Variants in EYA4 observed in about 807,000 individuals in gnomAD.
EYA4 encodes protein phosphatase EYA4.
In EYA4, 31 loss-of-function variants were observed where a neutral mutation model predicts 87.9. That is an observed-to-expected ratio of 0.35 (90% confidence interval 0.27 to 0.48). The LOEUF (loss-of-function observed/expected upper bound fraction) is 0.48, where lower values mean the gene tolerates loss of function less well. EYA4 is among the 20% of genes least tolerant of loss of function. The probability of loss-of-function intolerance (pLI) is 0.99; values close to 1 mark genes in which losing one functional copy is unlikely to be tolerated. For synonymous variants in EYA4, 263 were observed against 270.6 expected, an observed-to-expected ratio of 0.97 and a Z score of 0.28; for missense variants, 678 against 761.4, an observed-to-expected ratio of 0.89 and a Z score of 1.29.
chr6:133,265,064 C>T (rs1776106520), intron 1 of EYA4, among the ~76,000 whole-genome samples: 1 of 152,060 alleles, frequency 6.6e-6, no homozygotes, highest in South Asian at 2.1e-4. Flanking sequence ...TGAGAATTGT[C>T]TTAAAACTTT....
intron 3 of EYA4, among the ~76,000 whole-genome samples, chr6:133,443,657 G>T (rs1274014169): frequency 2.6e-5 from 4 of 151,946 alleles, no homozygotes; most frequent in African/African-American, 9.7e-5. Context: ...ACCATTTAAA[G>T]GTATAAACTT....
At chr6:133,336,125 G>A (rs1470660394) in intron 2 of EYA4, among the ~76,000 whole-genome samples, 1 of 152,118 alleles carries the variant, frequency 6.6e-6, no homozygotes, top group Non-Finnish European at 1.5e-5. Context: ...CACCATTTTT[G>A]CAGTTCCCAA....
intron 6 of EYA4, among the ~76,000 whole-genome samples, chr6:133,456,885 T>C (rs545250158): frequency 6.6e-6 from 1 of 152,364 alleles, no homozygotes; most frequent in African/African-American, 2.4e-5. Context: ...GACTTTCTTA[T>C]TATGGATAAG....
chr6:133,242,702 G>T (rs1196329964), intron 1 of EYA4, among the ~76,000 whole-genome samples: 1 of 152,200 alleles, frequency 6.6e-6, no homozygotes, highest in Non-Finnish European at 1.5e-5. Flanking sequence ...ATTCTGAACA[G>T]CTCGGAGCGA....
intron 3 of EYA4, among the ~76,000 whole-genome samples, chr6:133,399,375 C>T (rs998290543): frequency 4.0e-5 from 6 of 151,866 alleles, no homozygotes; most frequent in Admixed American, 6.6e-5. Flanking sequence ...GAAACTGATA[C>T]ACAGTATTAT....
chr6:133,359,980 T>C (rs980950061), intron 2 of EYA4, among the ~76,000 whole-genome samples: 1 of 152,202 alleles, frequency 6.6e-6, no homozygotes. Flanking sequence ...AAGAACGCTA[T>C]GTACATCTGG....
chr6:133,428,349 A>G (rs933514832), intron 3 of EYA4, among the ~76,000 whole-genome samples: 1 of 152,200 alleles, frequency 6.6e-6, no homozygotes, highest in African/African-American at 2.4e-5. Flanking sequence ...GGCTGCAGAT[A>G]AGGACAGCAG....
chr6:133,389,863 C>G (rs893153852), intron 3 of EYA4, among the ~76,000 whole-genome samples: 18 of 152,150 alleles, frequency 1.2e-4, no homozygotes, highest in African/African-American at 4.3e-4. Flanking sequence ...TTTTGAATCT[C>G]TTTATCCTGC....
At chr6:133,407,372 G>A (rs1788802091) in intron 3 of EYA4, among the ~76,000 whole-genome samples, 1 of 151,722 alleles carries the variant, frequency 6.6e-6, no homozygotes, top group South Asian at 2.1e-4. Flanking sequence ...TGAATGGGAG[G>A]ATAGGAGGAG....
At chr6:133,322,124 T>C (rs923163348) in intron 2 of EYA4, among the ~76,000 whole-genome samples, 1 of 152,208 alleles carries the variant, frequency 6.6e-6, no homozygotes, top group Non-Finnish European at 1.5e-5. Flanking sequence ...AAGTTGAGGC[T>C]AGACTTGGGG....
At chr6:133,426,506 C>T (rs750954358) in intron 3 of EYA4, among the ~76,000 whole-genome samples, 5 of 152,216 alleles carry the variant, frequency 3.3e-5, no homozygotes, top group Admixed American at 6.5e-5. Context: ...TAACCTATGT[C>T]AGTAAATTAT....
At chr6:133,416,320 C>T (rs372834960) in intron 3 of EYA4, among the ~76,000 whole-genome samples, 15 of 152,274 alleles carry the variant, frequency 9.9e-5, no homozygotes, top group African/African-American at 3.1e-4. Flanking sequence ...TAAAGCATCA[C>T]GCTTTTTTAT....
intron 17 of EYA4, among the ~76,000 whole-genome samples, chr6:133,521,239 A>G (rs1388706520): frequency 1.3e-5 from 2 of 151,738 alleles, no homozygotes; most frequent in Non-Finnish European, 2.9e-5. Context: ...GATATCCAGA[A>G]TCTACAATGA....
rs373611331 is a variant in EYA4, at chr6:133,382,376, T to C, written c.34-16T>C. ...TGTATTTTCATATGAGAATAACTAG[T>C]ACTCTTTTCTTACAGGTAAAGAAAA... On this transcript the variant is annotated splice_polypyrimidine_tract_variant and intron_variant, in intron 2 of 19. Transcript: ENST00000355286. The C allele has an allele frequency of 5.1e-6, 8 of 1,572,112 alleles. No homozygotes were observed. In the African/African-American group the frequency reaches 1.1e-4, roughly 21 times the overall value.
At chr6:133,482,434 A>G (rs540231766) in intron 12 of EYA4, among the ~76,000 whole-genome samples, 1 of 152,324 alleles carries the variant, frequency 6.6e-6, no homozygotes, top group African/African-American at 2.4e-5. Context: ...ACTGCCATGT[A>G]GGAATGGCAG....
chr6:133,260,537 C>A (rs1189688988), intron 1 of EYA4, among the ~76,000 whole-genome samples: 1 of 152,214 alleles, frequency 6.6e-6, no homozygotes, highest in Non-Finnish European at 1.5e-5. Context: ...CGCACCTCGC[C>A]TGTAGTTTAT....
intron 3 of EYA4, among the ~76,000 whole-genome samples, chr6:133,398,523 A>G (rs988984954): frequency 2.0e-5 from 3 of 151,970 alleles, no homozygotes; most frequent in Admixed American, 6.6e-5. Flanking sequence ...TTTTTTCCTC[A>G]TATTTTCATG....
intron 10 of EYA4, among the ~76,000 whole-genome samples, chr6:133,467,798 A>C (rs1794978996): frequency 6.6e-6 from 1 of 151,912 alleles, no homozygotes; most frequent in African/African-American, 2.4e-5. Context: ...GATATCTTAA[A>C]CACCAATTAT....
intron 2 of EYA4, among the ~76,000 whole-genome samples, chr6:133,362,733 T>C (rs926022964): frequency 6.6e-5 from 10 of 152,212 alleles, no homozygotes; most frequent in African/African-American, 2.4e-4. Flanking sequence ...ATAGTAGAAG[T>C]TTATTTGATT....
Sources: allele counts gnomAD v4.1 joint callset (sites outside exome capture counted in the v4.1 genomes callset), GRCh38; gene constraint gnomAD v4.1.1; transcripts MANE v1.5; gene names NCBI Gene and HGNC (gene_info 2026-07-23, HGNC 2026-07-21).